Variants in HIF1A observed in about 807,000 individuals in gnomAD.
The protein encoded by HIF1A is hypoxia-inducible factor 1-alpha.
Under a neutral mutation model 92.7 loss-of-function variants are expected in HIF1A, and 24 were observed. That is an observed-to-expected ratio of 0.26 (90% CI 0.19 to 0.36). The LOEUF (loss-of-function observed/expected upper bound fraction) is 0.36, where lower values mean the gene tolerates loss of function less well. HIF1A is among the 10% of genes least tolerant of loss of function. HIF1A has a pLI of 1.00. For synonymous variants in HIF1A, 319 were observed against 338.7 expected, an observed-to-expected ratio of 0.94 and a Z score of 0.64; for missense variants, 799 against 998.5, an observed-to-expected ratio of 0.80 and a Z score of 2.69.
chr14:61,745,470 T>G (rs776567041), intron 13 of HIF1A: 94 of 544,962 alleles, frequency 1.7e-4, no homozygotes, highest in Non-Finnish European at 2.7e-4. Flanking sequence ...AATGGTGGTA[T>G]AATACATTCT....
At position 61,734,217 on chromosome 14, in the gene HIF1A, A is replaced by G; in HGVS notation, c.960A>G (p.Gln320=). The G allele has an allele frequency of 6.2e-7, 1 of 1,612,914 alleles. No homozygotes were observed. Among genetic ancestry groups the G allele is most frequent in the Non-Finnish European group, 8.5e-7 (1 of 1,178,938 alleles). The part of the protein sequence containing the change: ...KRGGYVWVET[Q]ATVIYNTKNS... The stretch of plus-strand genomic sequence containing the variant: ...GTGGATATGTCTGGGTTGAAACTCA[A>G]GCAACTGTCATATATAACACCAAGA... Residue 320 remains glutamine, a synonymous_variant, in exon 8 of 15, where the codon CAA becomes CAG. Coordinates refer to ENST00000337138, the MANE Select transcript of HIF1A (RefSeq NM_001530.4).
chr14:61,738,251 C>A lies in HIF1A; in HGVS notation c.1414C>A (p.Gln472Lys). ...AAGTAGTGCTGACCCTGCACTCAATCAAGAAGTTGCATTAAAATTAGAACC... is the reference window on the plus strand; with the variant it reads ...AAGTAGTGCTGACCCTGCACTCAATAAAGAAGTTGCATTAAAATTAGAACC... ...LRSSADPALN[Q>K]EVALKLEPNP... The change falls in exon 10 of 15, where the codon CAA (glutamine) becomes AAA (lysine). Residue 472 changes from glutamine (Q) to lysine (K), a missense_variant. Around this residue, in one of 2 missense-constraint regions of HIF1A, gnomAD observed 516 missense variants for 721.0 expected, o/e 0.72. Coordinates refer to ENST00000337138, the MANE Select transcript of HIF1A (RefSeq NM_001530.4). 6.2e-7 allele frequency: 1 copy of A among 1,614,132 alleles called. No homozygotes were observed. The highest frequency in any genetic ancestry group is 8.5e-7 in the Non-Finnish European group (1 of 1,180,022).
At chr14:61,746,555 C>T (rs546506116) in intron 14 of HIF1A, among the ~76,000 whole-genome samples, 1 of 152,066 alleles carries the variant, frequency 6.6e-6, no homozygotes, top group African/African-American at 2.4e-5. Context: ...AGACATGCCT[C>T]ACCACACCCG....
intron 1 of HIF1A, among the ~76,000 whole-genome samples, chr14:61,703,448 G>A (rs952857327): frequency 6.6e-6 from 1 of 152,118 alleles, no homozygotes; most frequent in African/African-American, 2.4e-5. Context: ...CAAATCTAGA[G>A]TCTCAAATGA....
At chr14:61,744,248 C>T (rs772620396) in intron 12 of HIF1A, among the ~76,000 whole-genome samples, 18 of 152,180 alleles carry the variant, frequency 1.2e-4, no homozygotes, top group African/African-American at 3.9e-4. Context: ...TAAGCTTTGA[C>T]GGCCAGGTGC....
At chr14:61,705,929 C>T (rs2044235110) in intron 1 of HIF1A, among the ~76,000 whole-genome samples, 1 of 152,092 alleles carries the variant, frequency 6.6e-6, no homozygotes, top group Non-Finnish European at 1.5e-5. Context: ...GGTATGCTTT[C>T]TATTGTACAC....
chr14:61,713,124 C>G (rs1184595182), intron 1 of HIF1A, among the ~76,000 whole-genome samples: 1 of 152,020 alleles, frequency 6.6e-6, no homozygotes, highest in Non-Finnish European at 1.5e-5. Context: ...TGCAGTGTGG[C>G]TGAAGAATGT....
intron 10 of HIF1A, 98 bp downstream of exon 10, chr14:61,738,471 A>G: frequency 9.1e-7 from 1 of 1,099,984 alleles, no homozygotes; most frequent in Non-Finnish European, 1.3e-6. Flanking sequence ...TGAACCACAA[A>G]TTACATTTGT....
intron 6 of HIF1A, 143 bp from the exon 7 acceptor site, chr14:61,732,275 T>A (rs1304351367): frequency 3.8e-5 from 23 of 606,036 alleles, no homozygotes; most frequent in Non-Finnish European, 6.5e-5. Context: ...GGTGTAAATT[T>A]ATTCTAAGCA....
At chr14:61,743,279 C>G (rs1199777087) in intron 12 of HIF1A, among the ~76,000 whole-genome samples, 1 of 152,118 alleles carries the variant, frequency 6.6e-6, no homozygotes, top group Non-Finnish European at 1.5e-5. Flanking sequence ...CCAGGTTGAT[C>G]AGGCTGGTCT....
chr14:61,726,922 G>GC, intron 5 of HIF1A, 104 bp downstream of exon 5: 1 of 616,250 alleles, frequency 1.6e-6, no homozygotes. Context: ...CAGTTCCATG[G>GC]TGTTTGGTTA....
In HIF1A at chr14:61,695,684, C is replaced by T. The variant is rs1276999751; in HGVS notation, c.-121C>T. On this transcript the variant is annotated 5_prime_UTR_variant, in exon 1 of 15. Transcript: ENST00000337138. Reference sequence around the variant, plus strand: ...TAGTCTCACGAGGGGTTTCCCGCCTCGCACCCCCACCTCTGGACTTGCCTT... The same window carrying T: ...TAGTCTCACGAGGGGTTTCCCGCCTTGCACCCCCACCTCTGGACTTGCCTT... The T allele has an allele frequency of 4.6e-6, 5 of 1,075,500 alleles. No homozygotes were observed. Among genetic ancestry groups the T allele is most frequent in the Non-Finnish European group, 5.3e-6 (4 of 751,238 alleles). The allele number at this position is 1,075,500 out of a possible 1,614,324, so 66.6% of individuals were successfully genotyped here.
At chr14:61,740,399 G>A in intron 10 of HIF1A, 106 bp from the exon 11 acceptor site, 1 of 798,334 alleles carries the variant, frequency 1.3e-6, no homozygotes, top group Admixed American at 2.5e-5. Flanking sequence ...CGATGGACTT[G>A]GTTGTGTGTT....
rs2044705580 is a variant in HIF1A at position 61,741,119 on chromosome 14, G to C, written c.2024G>C (p.Gly675Ala). 8.1e-6 allele frequency: 13 copies of C among 1,614,048 alleles called. No individual in the cohort carries two copies. Among genetic ancestry groups the C allele is most frequent in the Non-Finnish European group, 1.0e-5 (12 of 1,179,954 alleles). Residue 675 changes from glycine (G) to alanine (A), a missense_variant, in exon 12 of 15, where the codon GGA becomes GCA. By Grantham distance (60) the Gly-to-Ala change is moderately conservative. This residue lies in a region of HIF1A where 283 missense variants were observed against 277.5 expected (regional missense o/e 1.02). Transcript: ENST00000337138. ...GCCTCACCAAACAGAGCAGGAAAAG[G>C]AGTCATAGAACAGACAGAAAAATCT... ...RTASPNRAGK[G>A]VIEQTEKSHP...
intron 12 of HIF1A, 31 bp downstream of exon 12, chr14:61,741,219 CTTTT>C: frequency 2.1e-6 from 3 of 1,431,954 alleles, no homozygotes; most frequent in Non-Finnish European, 2.9e-6. Context: ...AGTTATAGTT[CTTTT>C]ATTATTTTTG....
intron 10 of HIF1A, among the ~76,000 whole-genome samples, chr14:61,739,033 G>C (rs1324434223): frequency 2.0e-5 from 3 of 152,148 alleles, no homozygotes; most frequent in Non-Finnish European, 4.4e-5. Context: ...TTACAGGCGT[G>C]AGCTACCATG....
chr14:61,737,983 C>T (rs753600633), intron 9 of HIF1A, 104 bp from the exon 10 acceptor site: 126 of 875,490 alleles, frequency 1.4e-4, no homozygotes, highest in Middle Eastern at 3.4e-4. Context: ...GCCAAGATTG[C>T]GCCATTGCAC....
At chr14:61,734,093 G>C in intron 7 of HIF1A, 45 bp from the exon 8 acceptor site, 1 of 1,363,282 alleles carries the variant, frequency 7.3e-7, no homozygotes, top group Non-Finnish European at 9.8e-7. Context: ...AAAATTCAAA[G>C]TTAAAATATT....
At chr14:61,710,422 A>T (rs1461010509) in intron 1 of HIF1A, among the ~76,000 whole-genome samples, 2 of 152,196 alleles carry the variant, frequency 1.3e-5, no homozygotes, top group Non-Finnish European at 1.5e-5. Context: ...GACTCATAGA[A>T]GATGATCAAG....
Sources: allele counts gnomAD v4.1 joint callset (sites outside exome capture counted in the v4.1 genomes callset), GRCh38; gene constraint gnomAD v4.1.1; regional missense constraint gnomAD v4.1.1; transcripts MANE v1.5; gene names NCBI Gene and HGNC (gene_info 2026-07-23, HGNC 2026-07-21).